CNTN4: variants seen among roughly 807,000 people sequenced by gnomAD.
CNTN4 encodes contactin 4, also known as contactin-4.
Under a neutral mutation model 122.5 loss-of-function variants are expected in CNTN4, and 77 were observed. The ratio of observed to expected loss-of-function variants is 0.63; its 90% CI spans 0.52 to 0.76. The LOEUF is 0.76. Among genes scored for constraint, CNTN4 ranks in the 30% least tolerant of loss-of-function variants. The pLI, the probability that CNTN4 is intolerant of heterozygous loss-of-function variation, is 0.00. For synonymous variants in CNTN4, 512 were observed against 447.0 expected (o/e 1.15, Z -1.83); for missense variants, 1,256 against 1,259.1 (o/e 1.00, Z 0.04).
intron 4 of CNTN4, among the ~76,000 whole-genome samples, chr3:2,673,296 C>G (rs2084644459): frequency 6.6e-6 from 1 of 152,154 alleles, no homozygotes. Context: ...TATGCTATCA[C>G]CTTACATCTG....
At chr3:2,860,975 A>G (rs2093665202) in intron 7 of CNTN4, among the ~76,000 whole-genome samples, 1 of 152,190 alleles carries the variant, frequency 6.6e-6, no homozygotes, top group Non-Finnish European at 1.5e-5. Flanking sequence ...CGCAATTTCT[A>G]ACATTTTTTT....
At chr3:2,757,217 C>A (rs2090377900) in intron 6 of CNTN4, among the ~76,000 whole-genome samples, 1 of 152,110 alleles carries the variant, frequency 6.6e-6, no homozygotes, top group Admixed American at 6.5e-5. Flanking sequence ...GAAATGGGGA[C>A]TGCAAAAAAT....
At chr3:2,980,476 C>CTAAT (rs1693854239) in intron 13 of CNTN4, among the ~76,000 whole-genome samples, 1 of 152,150 alleles carries the variant, frequency 6.6e-6, no homozygotes, top group African/African-American at 2.4e-5. Context: ...CACTATCACC[C>CTAAT]TAATAGCTAC....
At chr3:2,403,992 T>A (rs1244517212) in intron 3 of CNTN4, among the ~76,000 whole-genome samples, 1 of 152,172 alleles carries the variant, frequency 6.6e-6, no homozygotes, top group Non-Finnish European at 1.5e-5. Flanking sequence ...TATAATACTT[T>A]CTCAATTTCT....
At position 3,030,942 on chromosome 3, in the gene CNTN4, A is replaced by G. The variant is rs2125675462; in HGVS notation, c.1750A>G (p.Arg584Gly). The change falls in exon 16 of 25, where the codon AGG (arginine) becomes GGG (glycine). Residue 584 changes from arginine to glycine, a missense_variant. Arg to Gly is a moderately radical substitution (Grantham distance 125). Transcript: ENST00000418658. ...CTGCATGGTCCAAACAAGTGTGGAC[A>G]GGCTATCTGCTGCTGCAGACCTGAT... ...YVCMVQTSVD[R>G]LSAAADLIVR... 3 of 1,614,102 alleles carry G rather than the reference A, an allele frequency of 1.9e-6. No homozygotes were observed. The East Asian group carries it at 6.7e-5, about 36-fold the overall frequency.
intron 13 of CNTN4, among the ~76,000 whole-genome samples, chr3:2,928,842 T>C (rs1490987380): frequency 6.6e-6 from 1 of 152,204 alleles, no homozygotes; most frequent in Non-Finnish European, 1.5e-5. Flanking sequence ...ATTTTAAAAA[T>C]TAAAAAGGTT....
intron 2 of CNTN4, among the ~76,000 whole-genome samples, chr3:2,210,610 CAG>C (rs2038572908): frequency 6.6e-6 from 1 of 152,258 alleles, no homozygotes; most frequent in Non-Finnish European, 1.5e-5. Flanking sequence ...TCCTAAAAAA[CAG>C]AGGCTAAGAC....
rs138513782 is a variant in CNTN4, at chr3:2,157,804, C to T, written c.-145+57165C>T. Among the ~76,000 whole-genome samples the T allele has an allele frequency of 5.3e-3, 813 of 152,320 alleles. 5 individuals carry two copies. Among genetic ancestry groups the T allele is most frequent in the African/African-American group, 0.018 (769 of 41,568 alleles). On this transcript the variant is annotated intron_variant, in intron 2 of 24. Transcript: ENST00000418658. ...TTTATCTTGATGTTGCTCCTGACTTCAAAATTTTCTGTTTGGATTTTCTTA... is the reference window on the plus strand; with the variant it reads ...TTTATCTTGATGTTGCTCCTGACTTTAAAATTTTCTGTTTGGATTTTCTTA...
intron 8 of CNTN4, among the ~76,000 whole-genome samples, chr3:2,867,422 T>C (rs1404040392): frequency 6.6e-6 from 1 of 152,212 alleles, no homozygotes; most frequent in Non-Finnish European, 1.5e-5. Context: ...GAAATTTTAA[T>C]TCCCCACACT....
At position 3,030,955 on chromosome 3, in the gene CNTN4, C is replaced by T; in HGVS notation, c.1763C>T (p.Ala588Val). Residue 588 changes from alanine (A) to valine (V), a missense_variant, in exon 16 of 25, where the codon GCT becomes GTT. By Grantham distance (64) the Ala-to-Val change is moderately conservative (BLOSUM62 0). Coordinates refer to ENST00000418658, the MANE Select transcript of CNTN4 (RefSeq NM_175607.3). ...VQTSVDRLSA[A>V]ADLIVRGPPG... ...ACAAGTGTGGACAGGCTATCTGCTGCTGCAGACCTGATTGTAAGAGGTACT... is the reference window on the plus strand; with the variant it reads ...ACAAGTGTGGACAGGCTATCTGCTGTTGCAGACCTGATTGTAAGAGGTACT... 3 of 1,614,080 alleles carry T rather than the reference C, an allele frequency of 1.9e-6. No homozygotes were observed. Among genetic ancestry groups the T allele is most frequent in the Non-Finnish European group, 2.5e-6 (3 of 1,179,942 alleles).
intron 3 of CNTN4, among the ~76,000 whole-genome samples, chr3:2,418,462 C>T (rs555880374): frequency 6.6e-6 from 1 of 152,132 alleles, no homozygotes; most frequent in East Asian, 1.9e-4. Context: ...TTAGATCAAT[C>T]TAATCATTAG....
At chr3:2,429,507 C>T (rs536462250) in intron 3 of CNTN4, among the ~76,000 whole-genome samples, 1 of 152,214 alleles carries the variant, frequency 6.6e-6, no homozygotes, top group Non-Finnish European at 1.5e-5. Flanking sequence ...GAGGTGCCTC[C>T]CAGTTAGGCT....
intron 14 of CNTN4, among the ~76,000 whole-genome samples, chr3:3,018,695 C>T (rs1488833482): frequency 2.0e-5 from 3 of 152,168 alleles, no homozygotes; most frequent in Non-Finnish European, 2.9e-5. Context: ...TACATGTATA[C>T]ACACATAGAT....
rs1166649224 is a variant in CNTN4, at chr3:2,996,033, G to A, written c.1486+7561G>A. 2.0e-5 allele frequency among the ~76,000 whole-genome samples: 3 copies of A among 152,076 alleles called. No homozygotes were observed. The East Asian group carries it at 5.8e-4, about 29-fold the overall frequency. On this transcript the variant is annotated intron_variant, in intron 14 of 24. Coordinates refer to ENST00000418658, the MANE Select transcript of CNTN4 (RefSeq NM_175607.3). ...TATTGTATGATTAAATATAAAATTAGTAATATAAAATAATACCTTATAATG... is the reference window on the plus strand; with the variant it reads ...TATTGTATGATTAAATATAAAATTAATAATATAAAATAATACCTTATAATG...
chr3:2,887,202 A>G lies in CNTN4; in HGVS notation c.918A>G (p.Ala306=), dbSNP rs769820202. 13 of 1,613,660 alleles carry G rather than the reference A, an allele frequency of 8.1e-6. No homozygotes were observed. The highest frequency in any genetic ancestry group is 1.0e-5 in the Non-Finnish European group (12 of 1,179,970). The change falls in exon 10 of 25, where the codon GCA becomes GCG. Residue 306 remains alanine (A), a synonymous_variant. Coordinates refer to ENST00000418658, the MANE Select transcript of CNTN4 (RefSeq NM_175607.3). Reference sequence around the variant, plus strand: ...AAAATTCCAGAGGGAAAAATGTAGCAAGGGGACAGCTAACTTTCTATGGTA... The same window carrying G: ...AAAATTCCAGAGGGAAAAATGTAGCGAGGGGACAGCTAACTTTCTATGGTA... ...VAENSRGKNV[A]RGQLTFYAQP... is the part of the protein sequence containing the mutation.
chr3:2,747,876 A>G (rs1044068111), intron 6 of CNTN4, among the ~76,000 whole-genome samples: 2 of 152,234 alleles, frequency 1.3e-5, no homozygotes, highest in African/African-American at 2.4e-5. Context: ...AACAAACTTG[A>G]CATCTCTTTC....
At chr3:2,381,012 CTT>C (rs1313667489) in intron 3 of CNTN4, among the ~76,000 whole-genome samples, 2 of 145,250 alleles carry the variant, frequency 1.4e-5, no homozygotes, top group African/African-American at 5.0e-5. Context: ...TTTTTTCTTC[CTT>C]TTTTTTTTGG....
chr3:2,606,085 TA>T (rs1280847468), intron 4 of CNTN4, among the ~76,000 whole-genome samples: 1 of 152,000 alleles, frequency 6.6e-6, no homozygotes, highest in Non-Finnish European at 1.5e-5. Context: ...GCAAGGATCC[TA>T]AGGCTTGGGT....
chr3:2,192,264 C>G (rs2037608240), intron 2 of CNTN4, among the ~76,000 whole-genome samples: 1 of 151,860 alleles, frequency 6.6e-6, no homozygotes, highest in Non-Finnish European at 1.5e-5. Flanking sequence ...ATGGCTGGGT[C>G]AAATGGTATT....
Sources: allele counts gnomAD v4.1 joint callset (sites outside exome capture counted in the v4.1 genomes callset), GRCh38; gene constraint gnomAD v4.1.1; transcripts MANE v1.5; gene names NCBI Gene and HGNC (gene_info 2026-07-23, HGNC 2026-07-21).